The following ST6GALNAC5 variants were observed in gnomAD, a reference collection of about 807,000 sequenced individuals.
The protein encoded by ST6GALNAC5 is alpha-N-acetylgalactosaminide alpha-2,6-sialyltransferase 5.
In ST6GALNAC5, 27 loss-of-function variants were observed where a neutral mutation model predicts 33.6. The ratio of observed to expected loss-of-function variants is 0.80; its 90% CI spans 0.59 to 1.11. The LOEUF is 1.11. ST6GALNAC5 is among the 50% of genes least tolerant of loss of function. ST6GALNAC5 has a pLI of 0.00. For missense variants in ST6GALNAC5, 428 were observed against 454.0 expected, an observed-to-expected ratio of 0.94 and a Z score of 0.52; for synonymous variants, 194 against 171.2, an observed-to-expected ratio of 1.13 and a Z score of -1.04.
At chr1:76,896,549 C>T (rs1035926492) in intron 2 of ST6GALNAC5, among the ~76,000 whole-genome samples, 2 of 151,898 alleles carry the variant, frequency 1.3e-5, no homozygotes, top group Non-Finnish European at 2.9e-5. Context: ...ATAAATCAAG[C>T]GTGATCAGGG....
At chr1:76,975,856 A>C in intron 2 of ST6GALNAC5, among the ~76,000 whole-genome samples, 1 of 152,174 alleles carries the variant, frequency 6.6e-6, no homozygotes. Flanking sequence ...GCACTTTGGG[A>C]GGCTGAGATG....
At chr1:76,869,590 T>G (rs1653449551) in intron 2 of ST6GALNAC5, among the ~76,000 whole-genome samples, 1 of 152,220 alleles carries the variant, frequency 6.6e-6, no homozygotes, top group South Asian at 2.1e-4. Context: ...AGCTAGAGGA[T>G]TTCTTGAAAT....
At chr1:76,934,245 G>A (rs1647174261) in intron 2 of ST6GALNAC5, among the ~76,000 whole-genome samples, 1 of 152,026 alleles carries the variant, frequency 6.6e-6, no homozygotes, top group Non-Finnish European at 1.5e-5. Context: ...CCCAGGGAAT[G>A]TAAACAGAAC....
At chr1:77,015,004 G>T (rs568474987) in intron 2 of ST6GALNAC5, among the ~76,000 whole-genome samples, 2 of 151,906 alleles carry the variant, frequency 1.3e-5, no homozygotes, top group African/African-American at 4.8e-5. Context: ...CTCGGTATTA[G>T]TCGGAATTCT....
intron 2 of ST6GALNAC5, among the ~76,000 whole-genome samples, chr1:76,922,186 T>C (rs1647040684): frequency 6.6e-6 from 1 of 152,200 alleles, no homozygotes; most frequent in East Asian, 1.9e-4. Flanking sequence ...AAGAACAACA[T>C]GCTTAAAGCA....
At chr1:76,966,938 G>A (rs1648517154) in intron 2 of ST6GALNAC5, among the ~76,000 whole-genome samples, 2 of 152,316 alleles carry the variant, frequency 1.3e-5, no homozygotes, top group South Asian at 2.1e-4. Flanking sequence ...TGCATCCCAG[G>A]GATGAAGCTG....
rs374793461 is a variant in ST6GALNAC5, at chr1:76,878,595, T to A, written c.261+9853T>A. Among the ~76,000 whole-genome samples the A allele has an allele frequency of 2.0e-5, 3 of 152,142 alleles. 1 individual carries two copies. Reference sequence around the variant, plus strand: ...CCTGGGGAAAGGATGGGAAAAAGAGTCACTGCATAAATTGTCAGTAATGTA... The same window carrying A: ...CCTGGGGAAAGGATGGGAAAAAGAGACACTGCATAAATTGTCAGTAATGTA... On this transcript the variant is annotated intron_variant, in intron 2 of 4. Coordinates refer to ENST00000477717, the MANE Select transcript of ST6GALNAC5 (RefSeq NM_030965.3).
chr1:76,883,502 G>C (rs1170790203), intron 2 of ST6GALNAC5, among the ~76,000 whole-genome samples: 1 of 152,222 alleles, frequency 6.6e-6, no homozygotes, highest in Non-Finnish European at 1.5e-5. Flanking sequence ...GAAATGATAA[G>C]TAAGGGCAGA....
intron 2 of ST6GALNAC5, among the ~76,000 whole-genome samples, chr1:76,915,178 A>G (rs1262514798): frequency 2.6e-5 from 4 of 151,596 alleles, no homozygotes; most frequent in African/African-American, 7.3e-5. Context: ...GCAATCATTA[A>G]AAAGTCAGGA....
chr1:77,051,762 C>T (rs1267092974), intron 4 of ST6GALNAC5, among the ~76,000 whole-genome samples: 1 of 152,152 alleles, frequency 6.6e-6, no homozygotes, highest in African/African-American at 2.4e-5. Context: ...CAAACTGCCT[C>T]CTCAAACCAA....
At chr1:77,059,124 A>G (rs1652493094) in intron 4 of ST6GALNAC5, among the ~76,000 whole-genome samples, 2 of 152,228 alleles carry the variant, frequency 1.3e-5, no homozygotes, top group Non-Finnish European at 2.9e-5. Flanking sequence ...AATAATACTG[A>G]GAGTTCATAT....
intron 4 of ST6GALNAC5, among the ~76,000 whole-genome samples, chr1:77,059,230 A>G (rs1652496277): frequency 6.6e-6 from 1 of 152,214 alleles, no homozygotes; most frequent in South Asian, 2.1e-4. Context: ...CAGCTAAACT[A>G]CAGGCATTAT....
intron 2 of ST6GALNAC5, among the ~76,000 whole-genome samples, chr1:77,019,711 C>T (rs1356237949): frequency 6.6e-6 from 1 of 152,204 alleles, no homozygotes; most frequent in East Asian, 1.9e-4. Flanking sequence ...TGCCCAGTTG[C>T]AATTGAAGTG....
At chr1:77,028,661 T>C (rs538002627) in intron 2 of ST6GALNAC5, among the ~76,000 whole-genome samples, 4 of 152,040 alleles carry the variant, frequency 2.6e-5, no homozygotes, top group Non-Finnish European at 5.9e-5. Context: ...CTGCAGTGAG[T>C]AGTGGGGTTT....
Position 76,868,467 on chromosome 1 carries a change from T to C in ST6GALNAC5, c.16-30T>C. 1 of 1,583,842 alleles carries C rather than the reference T, an allele frequency of 6.3e-7. No individual in the cohort carries two copies. The highest frequency in any genetic ancestry group is 8.6e-7 in the Non-Finnish European group (1 of 1,161,906). On this transcript the variant is annotated intron_variant, in intron 1 of 4. Coordinates refer to ENST00000477717, the MANE Select transcript of ST6GALNAC5 (RefSeq NM_030965.3). The surrounding 1 kb of genome is among the most constrained non-coding windows in gnomAD (Gnocchi z 4.3). ...TCCTCCGGTGTCTGCGCTCAGCCGC[T>C]CTCCTCTTCTCTCTCCCGCCCGCCC...
intron 2 of ST6GALNAC5, among the ~76,000 whole-genome samples, chr1:76,960,827 G>T (rs746021062): frequency 1.3e-5 from 2 of 152,138 alleles, no homozygotes; most frequent in African/African-American, 4.8e-5. Context: ...TTTTCTGAAC[G>T]TTGCTGTTAT....
chr1:77,012,765 A>G (rs1356000766), intron 2 of ST6GALNAC5, among the ~76,000 whole-genome samples: 1 of 152,176 alleles, frequency 6.6e-6, no homozygotes, highest in Non-Finnish European at 1.5e-5. Context: ...ATAAACATTT[A>G]TTGGGTGCTT....
chr1:77,046,051 T>C (rs1448877923), intron 3 of ST6GALNAC5, among the ~76,000 whole-genome samples: 1 of 152,236 alleles, frequency 6.6e-6, no homozygotes. Flanking sequence ...CTAAAACCTG[T>C]ACTTTCATAC....
chr1:76,867,695 G>C lies in ST6GALNAC5; in HGVS notation c.15+5G>C. 3 of 1,614,130 alleles carry C rather than the reference G, an allele frequency of 1.9e-6. No individual in the cohort carries two copies. ...CCCAAAATGAAGACCCTGATGGTGA[G>C]TCAGTTGTGGCAACTCCACCGGGCA... On this transcript the variant is annotated splice_donor_5th_base_variant and intron_variant, in intron 1 of 4. Transcript: ENST00000477717.
Sources: allele counts gnomAD v4.1 joint callset (sites outside exome capture counted in the v4.1 genomes callset), GRCh38; gene constraint gnomAD v4.1.1; non-coding constraint Gnocchi (gnomAD v3.1); transcripts MANE v1.5; gene names NCBI Gene and HGNC (gene_info 2026-07-23, HGNC 2026-07-21).